Variants in MAGI1 observed in about 807,000 individuals in gnomAD.
MAGI1 encodes the protein membrane associated guanylate kinase, WW and PDZ domain containing 1, also known as membrane-associated guanylate kinase, WW and PDZ domain-containing protein 1.
Under a neutral mutation model 139.9 loss-of-function variants are expected in MAGI1, and 58 were observed. That is an observed-to-expected ratio of 0.41 (90% confidence interval 0.34 to 0.52). The LOEUF (loss-of-function observed/expected upper bound fraction) is 0.52. Ranked by LOEUF, MAGI1 falls within the 20% of genes least tolerant of loss-of-function variation. The probability of loss-of-function intolerance (pLI) is 0.12; values close to 1 mark genes in which losing one functional copy is unlikely to be tolerated. For missense variants in MAGI1, 1,874 were observed against 1,901.6 expected (o/e 0.99, Z 0.27); for synonymous variants, 812 against 737.9 (o/e 1.10, Z -1.63).
At chr3:65,685,283 T>A (rs1180838946) in intron 1 of MAGI1, among the ~76,000 whole-genome samples, 1 of 151,026 alleles carries the variant, frequency 6.6e-6, no homozygotes, top group Non-Finnish European at 1.5e-5. Context: ...TGTTAAAATG[T>A]AAGCACATGC....
chr3:65,560,942 T>A (rs1024433520), intron 2 of MAGI1, among the ~76,000 whole-genome samples: 2 of 152,220 alleles, frequency 1.3e-5, no homozygotes, highest in African/African-American at 4.8e-5. Flanking sequence ...TTTTTAAAAA[T>A]GGTTACGCCA....
At chr3:65,813,288 G>A (rs1439469577) in intron 1 of MAGI1, among the ~76,000 whole-genome samples, 1 of 152,044 alleles carries the variant, frequency 6.6e-6, no homozygotes, top group Non-Finnish European at 1.5e-5. Context: ...TAACAACTGA[G>A]GCTCCTTTTA....
intron 1 of MAGI1, among the ~76,000 whole-genome samples, chr3:66,025,924 A>G (rs1263533105): frequency 6.6e-6 from 1 of 152,230 alleles, no homozygotes; most frequent in Non-Finnish European, 1.5e-5. Context: ...TGATAGTCAT[A>G]TAAGGTCACG....
rs540491557 is a variant in MAGI1, at chr3:65,379,385, C to T, written c.2871G>A (p.Gly957=). ...STSGIGSGGG[G]GSGVVSTVVQ... is the part of the protein sequence containing the mutation. ...CCACGGTGCTGACCACGCCGCTGCC[C>T]CCGCCGCCGCCACTGCCGATGCCGC... Residue 957 remains glycine (G), a synonymous_variant, in exon 17 of 23, where the codon GGG becomes GGA. Transcript: ENST00000402939. 62 of 1,612,626 alleles carry T rather than the reference C, an allele frequency of 3.8e-5. No individual in the cohort carries two copies. The South Asian group carries it at 6.2e-4, about 16-fold the overall frequency.
At chr3:65,735,602 C>G (rs1480989801) in intron 1 of MAGI1, among the ~76,000 whole-genome samples, 3 of 152,038 alleles carry the variant, frequency 2.0e-5, no homozygotes, top group African/African-American at 7.2e-5. Context: ...ATCCGTCCAA[C>G]CCAGTGAATG....
chr3:65,696,806 G>A (rs370186939), intron 1 of MAGI1, among the ~76,000 whole-genome samples: 6 of 152,192 alleles, frequency 3.9e-5, no homozygotes, highest in East Asian at 3.9e-4. Flanking sequence ...CTAAAGGAGT[G>A]GTTCTCATAA....
intron 1 of MAGI1, among the ~76,000 whole-genome samples, chr3:65,735,356 C>CATGTGTGTGTGTGTGTGTGTGTGT (rs1553699336): frequency 1.8e-4 from 27 of 148,180 alleles, no homozygotes; most frequent in African/African-American, 6.8e-4. Flanking sequence ...TGTGTCTGCA[C>CATGTGTGTGTGTGTGTGTGTGTGT]GTGTGTGTGT....
intron 2 of MAGI1, among the ~76,000 whole-genome samples, chr3:65,524,838 C>T (rs940828826): frequency 6.6e-6 from 1 of 152,164 alleles, no homozygotes; most frequent in Non-Finnish European, 1.5e-5. Flanking sequence ...TGGATCTCAT[C>T]CACAAGGTTT....
chr3:65,869,466 T>A (rs939078780), intron 1 of MAGI1, among the ~76,000 whole-genome samples: 1 of 149,908 alleles, frequency 6.7e-6, no homozygotes, highest in Non-Finnish European at 1.5e-5. Context: ...AGTGGCGTGA[T>A]CTCCACTCAC....
intron 18 of MAGI1, among the ~76,000 whole-genome samples, chr3:65,365,959 T>C (rs1045712394): frequency 1.3e-5 from 2 of 152,238 alleles, no homozygotes; most frequent in Non-Finnish European, 2.9e-5. Flanking sequence ...TATCTTCCAT[T>C]TACATTTCCC....
intron 1 of MAGI1, among the ~76,000 whole-genome samples, chr3:65,744,744 A>T (rs1056379167): frequency 6.6e-6 from 1 of 152,040 alleles, no homozygotes; most frequent in Non-Finnish European, 1.5e-5. Context: ...ATTAACAGTG[A>T]AATCTCCGAG....
intron 1 of MAGI1, among the ~76,000 whole-genome samples, chr3:65,706,965 T>C (rs1267388614): frequency 6.6e-6 from 1 of 152,194 alleles, no homozygotes; most frequent in Non-Finnish European, 1.5e-5. Context: ...AAAATGTCCA[T>C]ACCAAAACCA....
intron 2 of MAGI1, among the ~76,000 whole-genome samples, chr3:65,568,500 T>C (rs1298173192): frequency 6.6e-6 from 1 of 152,192 alleles, no homozygotes; most frequent in African/African-American, 2.4e-5. Flanking sequence ...GAGCTCTCAC[T>C]TGATTATACT....
chr3:65,431,604 A>AC (rs200102292), intron 10 of MAGI1, among the ~76,000 whole-genome samples: 100 of 151,246 alleles, frequency 6.6e-4, no homozygotes, highest in Non-Finnish European at 8.7e-4. Flanking sequence ...AAACAAAGAA[A>AC]CCCCCCCCAC....
chr3:65,585,010 A>C (rs1334286609), intron 2 of MAGI1, among the ~76,000 whole-genome samples: 1 of 152,202 alleles, frequency 6.6e-6, no homozygotes, highest in African/African-American at 2.4e-5. Context: ...GATGTGTAAT[A>C]AGAACTACCA....
chr3:65,958,897 G>C (rs1399205968), intron 1 of MAGI1, among the ~76,000 whole-genome samples: 2 of 151,896 alleles, frequency 1.3e-5, no homozygotes, highest in South Asian at 2.1e-4. Flanking sequence ...TGAGGCACGA[G>C]AATCGTTTGA....
chr3:65,657,223 A>G (rs1336289783), intron 1 of MAGI1, among the ~76,000 whole-genome samples: 1 of 152,016 alleles, frequency 6.6e-6, no homozygotes, highest in Non-Finnish European at 1.5e-5. Context: ...GTCTTACCCA[A>G]GGAGATACAA....
chr3:65,586,204 T>C (rs895769766), intron 2 of MAGI1, among the ~76,000 whole-genome samples: 1 of 151,312 alleles, frequency 6.6e-6, no homozygotes, highest in African/African-American at 2.4e-5. Context: ...AAAGAGACCC[T>C]GTCTAAAAAA....
chr3:65,498,064 G>A (rs570438396), intron 2 of MAGI1, among the ~76,000 whole-genome samples: 2 of 152,244 alleles, frequency 1.3e-5, no homozygotes, highest in Admixed American at 6.5e-5. Context: ...AGGACCGAGG[G>A]AGGGGACCCC....
Sources: gnomAD v4.1 joint callset for allele counts (sites outside exome capture counted in the v4.1 genomes callset) on GRCh38, gnomAD v4.1.1 for gene constraint, MANE v1.5 for transcripts, NCBI Gene and HGNC (gene_info 2026-07-23, HGNC 2026-07-21) for gene names.